The following C8orf34 variants were observed in gnomAD, a reference collection of about 807,000 sequenced individuals.
The protein encoded by C8orf34 is uncharacterized protein C8orf34.
In C8orf34, 65 loss-of-function variants were observed where a neutral mutation model predicts 68.3. The observed-to-expected ratio is 0.95, with a 90% CI of 0.78 to 1.17. C8orf34 has a LOEUF of 1.17. Ranked by LOEUF, C8orf34 falls within the 50% of genes most tolerant of loss-of-function variation. The pLI, the probability that C8orf34 is intolerant of heterozygous loss-of-function variation, is 0.00. For missense variants in C8orf34, 664 were observed against 655.4 expected (o/e 1.01, Z -0.14); for synonymous variants, 244 against 241.2 (o/e 1.01, Z -0.11).
chr8:68,404,554 C>T (rs553349818), intron 1 of C8orf34, among the ~76,000 whole-genome samples: 4 of 152,106 alleles, frequency 2.6e-5, no homozygotes, highest in African/African-American at 4.8e-5. Context: ...TTTTTGTATA[C>T]GGTGTAAGGA....
rs1210117596 is a variant in C8orf34, at chr8:68,338,843, GTTGTTCC to G, written c.327+7505_327+7511del. On this transcript the variant is annotated intron_variant, in intron 1 of 13. Transcript: ENST00000518698. Reference sequence around the variant, plus strand: ...CTGTGAACAGTGTATAGGAGTTCCAGTTGTTCCATATCCTCACCTAATCTTGGTATTG... The same window carrying G: ...CTGTGAACAGTGTATAGGAGTTCCAGATATCCTCACCTAATCTTGGTATTG... Among the ~76,000 whole-genome samples, 8 of 152,192 alleles carry G rather than the reference GTTGTTCC, an allele frequency of 5.3e-5. No homozygotes were observed. The East Asian group carries it at 1.5e-3, about 29-fold the overall frequency.
rs935556830 is a variant in C8orf34, at chr8:68,331,551, C to T, written c.327+212C>T. 5.6e-5 allele frequency: 34 copies of T among 611,282 alleles called. No homozygotes were observed. In the African/African-American group the frequency reaches 6.2e-4, roughly 11 times the overall value. The allele number at this position is 611,282 out of a possible 1,614,324, so 37.9% of individuals were successfully genotyped here. A position where few individuals can be genotyped will look rare whatever the true frequency, so the allele number is the denominator to read the frequency against. On this transcript the variant is annotated intron_variant, in intron 1 of 13. Coordinates refer to ENST00000518698, the MANE Select transcript of C8orf34 (RefSeq NM_052958.4). ...GCGGGCACTTAGCCAGTTACCTGAA[C>T]GCGGACAGGTGAGCTCGGGAGGGCC...
chr8:68,769,890 G>A (rs998197847), intron 10 of C8orf34, among the ~76,000 whole-genome samples: 4 of 152,160 alleles, frequency 2.6e-5, no homozygotes, highest in Admixed American at 6.5e-5. Flanking sequence ...AGCGCGATAC[G>A]TGCTTTGGTA....
intron 1 of C8orf34, among the ~76,000 whole-genome samples, chr8:68,425,361 C>T (rs1303317250): frequency 6.6e-6 from 1 of 152,118 alleles, no homozygotes; most frequent in Non-Finnish European, 1.5e-5. Context: ...TTGCAAATGA[C>T]ATGATTGTCT....
At position 68,619,282 on chromosome 8, in the gene C8orf34, C is replaced by T. The variant is rs187869340; in HGVS notation, c.1106-21094C>T. ...CAGAGGTTTCAGTGAGCCAAGATCA[C>T]GCCACTGCACTCCAGCCTGAGTGAG... On this transcript the variant is annotated intron_variant, in intron 7 of 13. Coordinates refer to ENST00000518698, the MANE Select transcript of C8orf34 (RefSeq NM_052958.4). 3.2e-3 allele frequency among the ~76,000 whole-genome samples: 491 copies of T among 152,226 alleles called. 4 individuals are homozygous for T. The highest frequency in any genetic ancestry group is 0.011 in the African/African-American group (452 of 41,528).
chr8:68,594,007 T>C (rs1012970428), intron 7 of C8orf34, among the ~76,000 whole-genome samples: 1 of 152,168 alleles, frequency 6.6e-6, no homozygotes, highest in Non-Finnish European at 1.5e-5. Context: ...TATTTAATAC[T>C]GACTCATTTT....
At chr8:68,800,620 T>A (rs1012910062) in intron 12 of C8orf34, among the ~76,000 whole-genome samples, 77 of 152,198 alleles carry the variant, frequency 5.1e-4, no homozygotes, top group African/African-American at 1.9e-3. Flanking sequence ...CATGACTACT[T>A]CCTATAAATG....
At chr8:68,749,151 A>G (rs981781356) in intron 10 of C8orf34, among the ~76,000 whole-genome samples, 7 of 148,918 alleles carry the variant, frequency 4.7e-5, no homozygotes, top group Non-Finnish European at 4.5e-5. Context: ...AAAACCAAAC[A>G]CCGCATATTC....
chr8:68,697,193 T>C lies in C8orf34; in HGVS notation c.1242-11801T>C, dbSNP rs1014743331. Among the ~76,000 whole-genome samples the C allele has an allele frequency of 5.3e-5, 8 of 152,246 alleles. No individual in the cohort carries two copies. The South Asian group carries it at 8.3e-4, about 16-fold the overall frequency. On this transcript the variant is annotated intron_variant, in intron 8 of 13. Transcript: ENST00000518698. ...TAGTCATTTTTGGTACTTTAATATT[T>C]CTTGATATTTCCTTTTATTTGCTGT...
intron 10 of C8orf34, among the ~76,000 whole-genome samples, chr8:68,735,068 T>G (rs148920813): frequency 9.2e-4 from 140 of 152,304 alleles, no homozygotes; most frequent in African/African-American, 3.2e-3. Context: ...ATGGAAAAAC[T>G]TAGTTTTAGA....
At chr8:68,760,915 T>C (rs1399210858) in intron 10 of C8orf34, among the ~76,000 whole-genome samples, 1 of 152,186 alleles carries the variant, frequency 6.6e-6, no homozygotes, top group Non-Finnish European at 1.5e-5. Context: ...TCCTGTCTTC[T>C]AGAAGACCAT....
chr8:68,531,682 C>A (rs536107139), intron 6 of C8orf34, among the ~76,000 whole-genome samples: 1 of 151,934 alleles, frequency 6.6e-6, no homozygotes, highest in Non-Finnish European at 1.5e-5. Flanking sequence ...ATTAACAAGT[C>A]GTGTCACTTC....
intron 7 of C8orf34, among the ~76,000 whole-genome samples, chr8:68,590,568 T>TA (rs1228311669): frequency 6.6e-6 from 1 of 152,164 alleles, no homozygotes; most frequent in African/African-American, 2.4e-5. Flanking sequence ...TCCTAATTTT[T>TA]ATCCCCTGTC....
chr8:68,367,959 T>G (rs993274700), intron 1 of C8orf34, among the ~76,000 whole-genome samples: 5 of 136,582 alleles, frequency 3.7e-5, no homozygotes, highest in African/African-American at 1.3e-4. Flanking sequence ...ATCACTGAGC[T>G]GAAGAAAGAT....
At chr8:68,417,350 C>T (rs1980177) in intron 1 of C8orf34, among the ~76,000 whole-genome samples, 1 of 151,754 alleles carries the variant, frequency 6.6e-6, no homozygotes, top group East Asian at 1.9e-4. Flanking sequence ...CATATATTGC[C>T]GTTTGTAATA....
At chr8:68,726,210 C>A (rs1310516551) in intron 10 of C8orf34, among the ~76,000 whole-genome samples, 1 of 152,048 alleles carries the variant, frequency 6.6e-6, no homozygotes, top group Admixed American at 6.6e-5. Context: ...GCCTGGTCAC[C>A]AATATCAAAG....
At chr8:68,362,160 G>A (rs934076062) in intron 1 of C8orf34, among the ~76,000 whole-genome samples, 1 of 152,114 alleles carries the variant, frequency 6.6e-6, no homozygotes, top group African/African-American at 2.4e-5. Flanking sequence ...AAAATGAATG[G>A]CATTTCCTTG....
intron 10 of C8orf34, among the ~76,000 whole-genome samples, chr8:68,745,410 A>G (rs1323944497): frequency 6.6e-6 from 1 of 152,190 alleles, no homozygotes; most frequent in African/African-American, 2.4e-5. Context: ...TAAATGGACT[A>G]AATGCTCCAA....
chr8:68,394,413 T>C (rs1245032217), intron 1 of C8orf34, among the ~76,000 whole-genome samples: 1 of 151,932 alleles, frequency 6.6e-6, no homozygotes, highest in African/African-American at 2.4e-5. Context: ...ACAAAGGACA[T>C]GAACTCATCA....
Sources: gnomAD v4.1 joint callset for allele counts (sites outside exome capture counted in the v4.1 genomes callset) on GRCh38, gnomAD v4.1.1 for gene constraint, MANE v1.5 for transcripts, NCBI Gene and HGNC (gene_info 2026-07-23, HGNC 2026-07-21) for gene names.